SLC35F2: variants seen among roughly 807,000 people sequenced by gnomAD.
SLC35F2 encodes the protein solute carrier family 35 member F2.
SLC35F2 carries 25 observed loss-of-function variants against 38.1 expected under a neutral mutation model. The ratio of observed to expected loss-of-function variants is 0.66; its 90% CI spans 0.48 to 0.92. The LOEUF is 0.92. SLC35F2 is among the 40% of genes least tolerant of loss of function. SLC35F2 has a pLI of 0.00. For missense variants in SLC35F2, 409 were observed against 452.9 expected, an observed-to-expected ratio of 0.90 and a Z score of 0.88; for synonymous variants, 173 against 181.7, an observed-to-expected ratio of 0.95 and a Z score of 0.38.
rs935957404 is a variant in SLC35F2, at chr11:107,806,771, C to G, written c.520G>C (p.Gly174Arg). The G allele has an allele frequency of 6.2e-7, 1 of 1,613,932 alleles. No homozygotes were observed. Among genetic ancestry groups the G allele is most frequent in the African/African-American group, 1.3e-5 (1 of 74,886 alleles). The part of the protein sequence containing the change: ...HFIAVAVCLL[G>R]VGTMVGADIL... ...TCTGCACCAACCATGGTTCCTACAC[C>G]CAACAGACAGACAGCCACGGCGATG... The change falls in exon 4 of 8, where the codon GGT (glycine) becomes CGT (arginine). Residue 174 changes from glycine (G) to arginine (R), a missense_variant. Coordinates refer to ENST00000525815, the MANE Select transcript of SLC35F2 (RefSeq NM_017515.5).
intron 1 of SLC35F2, among the ~76,000 whole-genome samples, chr11:107,821,977 C>T (rs988226146): frequency 6.6e-6 from 1 of 152,188 alleles, no homozygotes; most frequent in African/African-American, 2.4e-5. Flanking sequence ...GTGGCTTATG[C>T]CTGTAATCCC....
intron 1 of SLC35F2, among the ~76,000 whole-genome samples, chr11:107,856,105 C>CAAAAA (rs1229189240): frequency 1.0e-5 from 1 of 95,636 alleles, no homozygotes; most frequent in African/African-American, 4.0e-5. Context: ...AACTCTGTCT[C>CAAAAA]AAAAAAAAAA....
chr11:107,853,698 C>T (rs368099895), intron 1 of SLC35F2, among the ~76,000 whole-genome samples: 5 of 120,830 alleles, frequency 4.1e-5, no homozygotes, highest in Admixed American at 1.2e-4. Flanking sequence ...CCAGCCTGGG[C>T]GACAGAGCGA....
chr11:107,817,839 C>G (rs1167996031), intron 1 of SLC35F2, among the ~76,000 whole-genome samples: 1 of 150,528 alleles, frequency 6.6e-6, no homozygotes, highest in Non-Finnish European at 1.5e-5. Flanking sequence ...GCAGGCGGAT[C>G]ACAAAGTCAG....
intron 1 of SLC35F2, among the ~76,000 whole-genome samples, chr11:107,825,161 C>G (rs1859733710): frequency 6.6e-6 from 1 of 152,128 alleles, no homozygotes; most frequent in East Asian, 1.9e-4. Flanking sequence ...AAATGAGGAA[C>G]TGAATTTTTT....
At chr11:107,825,809 A>T (rs1310470092) in intron 1 of SLC35F2, among the ~76,000 whole-genome samples, 3 of 152,156 alleles carry the variant, frequency 2.0e-5, no homozygotes, top group Non-Finnish European at 2.9e-5. Context: ...GGAAGAAGTG[A>T]ATGCAATCCA....
chr11:107,833,097 C>T (rs1420900311), intron 1 of SLC35F2, among the ~76,000 whole-genome samples: 1 of 152,182 alleles, frequency 6.6e-6, no homozygotes, highest in Non-Finnish European at 1.5e-5. Context: ...CTAATGGACG[C>T]CATCAGAATA....
chr11:107,851,593 G>A (rs1056784645), intron 1 of SLC35F2, among the ~76,000 whole-genome samples: 48 of 150,606 alleles, frequency 3.2e-4, no homozygotes, highest in Non-Finnish European at 6.3e-4. Context: ...TAAAAAAAAG[G>A]GATGTAATCC....
chr11:107,810,780 A>G, intron 3 of SLC35F2: 9 of 980,662 alleles, frequency 9.2e-6, no homozygotes, highest in Non-Finnish European at 1.1e-5. Context: ...CTGGAAAAAT[A>G]CTGAGTTCTC....
chr11:107,824,595 T>A (rs1161886328), intron 1 of SLC35F2, among the ~76,000 whole-genome samples: 1 of 152,212 alleles, frequency 6.6e-6, no homozygotes, highest in Non-Finnish European at 1.5e-5. Flanking sequence ...GCAGAAAGAA[T>A]CCTAGTCTTT....
At chr11:107,810,360 T>C (rs986035784) in intron 3 of SLC35F2, 4 of 985,002 alleles carry the variant, frequency 4.1e-6, no homozygotes, top group Middle Eastern at 1.0e-3. Flanking sequence ...TGTTTAACTG[T>C]GTTTAGGCCT....
intron 7 of SLC35F2, among the ~76,000 whole-genome samples, chr11:107,798,712 T>G (rs569635784): frequency 6.6e-6 from 1 of 152,306 alleles, no homozygotes; most frequent in East Asian, 1.9e-4. Context: ...TTCAAAAAAT[T>G]AGAGCCAAAG....
chr11:107,814,463 A>G (rs966179738), intron 2 of SLC35F2, among the ~76,000 whole-genome samples: 31 of 151,772 alleles, frequency 2.0e-4, no homozygotes, highest in Admixed American at 4.6e-4. Flanking sequence ...CTGCCTCAAA[A>G]AAAAAAAAAA....
At position 107,805,662 on chromosome 11, in the gene SLC35F2, GTGTGTGTGTATGTGTGTGTGTGTA is replaced by G. The variant is rs1342392216; in HGVS notation, c.575-171_575-148del. 2.8e-4 allele frequency: 399 copies of G among 1,444,134 alleles called. 1 individual carries two copies. The African/African-American group carries it at 4.8e-3, about 17-fold the overall frequency. The allele number at this position is 1,444,134 out of a possible 1,614,324, so 89.5% of individuals were successfully genotyped here. ...ACTAGAAGTTTATGTGTGAGAGTGT[GTGTGTGTGTATGTGTGTGTGTGTA>G]TGTGTGTGTTTGAGACAGTCTTGCT... On this transcript the variant is annotated intron_variant, in intron 4 of 7. Coordinates refer to ENST00000525815, the MANE Select transcript of SLC35F2 (RefSeq NM_017515.5).
intron 3 of SLC35F2, chr11:107,811,244 C>T (rs1425645936): frequency 1.0e-6 from 1 of 985,222 alleles, no homozygotes; most frequent in African/African-American, 1.7e-5. Flanking sequence ...TACCACCTCT[C>T]CCAAAAATGT....
intron 6 of SLC35F2, chr11:107,803,494 A>G (rs12799369): frequency 0.073 from 71,647 of 981,042 alleles, 5,139 homozygotes; most frequent in East Asian, 0.42. Context: ...AAGGCCAATA[A>G]AGGCAGAATC....
intron 1 of SLC35F2, 137 bp downstream of exon 1, chr11:107,858,521 C>G (rs1298173181): frequency 4.0e-6 from 3 of 753,764 alleles, no homozygotes; most frequent in African/African-American, 1.8e-5. Flanking sequence ...TGTTGAGCCC[C>G]GAACCGAAGT....
intron 1 of SLC35F2, among the ~76,000 whole-genome samples, chr11:107,841,836 G>A (rs992896535): frequency 2.0e-5 from 3 of 151,954 alleles, no homozygotes; most frequent in East Asian, 1.9e-4. Flanking sequence ...AGGCCGAGGC[G>A]AGCGGATCAT....
At chr11:107,811,847 ATGT>A in intron 2 of SLC35F2, 53 bp from the exon 3 acceptor site, 1 of 1,496,782 alleles carries the variant, frequency 6.7e-7, no homozygotes, top group Non-Finnish European at 9.1e-7. Flanking sequence ...GATACCATAC[ATGT>A]TGATTTGAAG....
Sources: allele counts gnomAD v4.1 joint callset (sites outside exome capture counted in the v4.1 genomes callset), GRCh38; gene constraint gnomAD v4.1.1; transcripts MANE v1.5; gene names NCBI Gene and HGNC (gene_info 2026-07-23, HGNC 2026-07-21).